Variants in SRPK1 observed in about 807,000 individuals in gnomAD.
SRPK1 encodes SRSF protein kinase 1.
SRPK1 carries 52 observed loss-of-function variants against 89.5 expected under a neutral mutation model. The observed-to-expected ratio is 0.58, with a 90% CI of 0.46 to 0.73. The LOEUF is 0.73. Ranked by LOEUF, SRPK1 falls within the 30% of genes least tolerant of loss-of-function variation. SRPK1 has a pLI of 0.00. For synonymous variants in SRPK1, 255 were observed against 270.2 expected (o/e 0.94, Z 0.55); for missense variants, 603 against 780.6 (o/e 0.77, Z 2.71).
At chr6:35,893,074 A>G (rs1770554425) in intron 2 of SRPK1, among the ~76,000 whole-genome samples, 1 of 152,232 alleles carries the variant, frequency 6.6e-6, no homozygotes, top group African/African-American at 2.4e-5. Flanking sequence ...TTATTTAGTA[A>G]TACACTGGCC....
chr6:35,902,733 G>GT (rs1441053669), intron 2 of SRPK1, among the ~76,000 whole-genome samples: 1 of 152,182 alleles, frequency 6.6e-6, no homozygotes, highest in African/African-American at 2.4e-5. Flanking sequence ...TATTGAGCAT[G>GT]TACTGTATTA....
chr6:35,917,595 C>T (rs1171231817), intron 2 of SRPK1, among the ~76,000 whole-genome samples: 5 of 152,216 alleles, frequency 3.3e-5, no homozygotes, highest in Admixed American at 3.3e-4. Context: ...AGGAAATCCA[C>T]TCTAACAAAC....
Position 35,920,517 on chromosome 6 carries a change from G to A in SRPK1, c.25C>T (p.Gln9Ter). The A allele has an allele frequency of 6.2e-7, 1 of 1,613,344 alleles. No homozygotes were observed. The highest frequency in any genetic ancestry group is 8.5e-7 in the Non-Finnish European group (1 of 1,179,514). The change falls in exon 2 of 16, where the codon CAG (glutamine) becomes TAG (stop). Residue 9 changes from glutamine to a stop codon, truncating the protein, a stop_gained. Transcript: ENST00000373825. LOFTEE classifies it high-confidence loss of function. ...GCCTTGGTCCTTTTCTTTCGGGCCT[G>A]GAGCGCAAGCACTGCAGGAGAGAGG... Reference protein sequence around the residue: MERKVLALQARKKRTKAKK... With the variant: MERKVLAL
chr6:35,916,990 G>A (rs1581604170), intron 2 of SRPK1, among the ~76,000 whole-genome samples: 2 of 152,292 alleles, frequency 1.3e-5, no homozygotes, highest in South Asian at 4.1e-4. Flanking sequence ...AGCCCGGGAG[G>A]CAGAGGTTGC....
In SRPK1 at chr6:35,884,393, C is replaced by T. The variant is rs76817504; in HGVS notation, c.478+2331G>A. 6.8e-3 allele frequency among the ~76,000 whole-genome samples: 1,042 copies of T among 152,146 alleles called. 13 individuals carry two copies. Among genetic ancestry groups the T allele is most frequent in the African/African-American group, 0.024 (1,000 of 41,488 alleles). On this transcript the variant is annotated intron_variant, in intron 6 of 15. Coordinates refer to ENST00000373825, the MANE Select transcript of SRPK1 (RefSeq NM_003137.5). ...GCCCTTTATATTTTAATATGAGAAA[C>T]GATAGTGGTCCAGAGAAAAAAACGC...
chr6:35,843,037 C>T (rs183909702), intron 13 of SRPK1, among the ~76,000 whole-genome samples: 3 of 150,554 alleles, frequency 2.0e-5, no homozygotes, highest in East Asian at 1.9e-4. Context: ...GGCACGGTCT[C>T]GGCTCACTGC....
chr6:35,897,897 T>A (rs1014122909), intron 2 of SRPK1, among the ~76,000 whole-genome samples: 2 of 152,244 alleles, frequency 1.3e-5, no homozygotes, highest in African/African-American at 2.4e-5. Context: ...GTGGGTTGAA[T>A]AGATTTATTA....
At position 35,856,239 on chromosome 6, in the gene SRPK1, T is replaced by A. The variant is rs561636790; in HGVS notation, c.1620+1022A>T. ...AGCTTGGGTGAGCATCCCTCGGTGGTGACACACATCAATGTGCCAGGAGGG... is the reference window on the plus strand; with the variant it reads ...AGCTTGGGTGAGCATCCCTCGGTGGAGACACACATCAATGTGCCAGGAGGG... On this transcript the variant is annotated intron_variant, in intron 13 of 15. Coordinates refer to ENST00000373825, the MANE Select transcript of SRPK1 (RefSeq NM_003137.5). Among the ~76,000 whole-genome samples, 70 of 152,256 alleles carry A rather than the reference T, an allele frequency of 4.6e-4. 1 individual carries two copies. Among genetic ancestry groups the A allele is most frequent in the African/African-American group, 1.5e-3 (62 of 41,526 alleles).
intron 14 of SRPK1, 153 bp from the exon 15 acceptor site, chr6:35,838,582 CTCTA>C: frequency 7.0e-7 from 1 of 1,430,930 alleles, no homozygotes; most frequent in Non-Finnish European, 9.6e-7. Flanking sequence ...AAGAGGAAGA[CTCTA>C]TCCATCTAAT....
In SRPK1 at chr6:35,874,283, A is replaced by C; in HGVS notation, c.535T>G (p.Ser179Ala). Reference protein sequence around the residue: ...GHHLLKWIIKSNYQGLPLPCV... With the variant: ...GHHLLKWIIKANYQGLPLPCV... ...GGCAGTGGAAGCCCCTGATAATTGG[A>C]TTTGATGATCCACTTGAGCAGATGA... Residue 179 changes from serine to alanine, a missense_variant, in exon 7 of 16, where the codon TCC becomes GCC. Transcript: ENST00000373825. 6.2e-7 allele frequency: 1 copy of C among 1,613,572 alleles called. No homozygotes were observed. Among genetic ancestry groups the C allele is most frequent in the Non-Finnish European group, 8.5e-7 (1 of 1,179,720 alleles).
At chr6:35,838,194 T>TA (rs1769225834) in intron 15 of SRPK1, 143 bp downstream of exon 15, 3 of 621,824 alleles carry the variant, frequency 4.8e-6, no homozygotes, top group Non-Finnish European at 7.6e-6. Context: ...CCACTTTTTT[T>TA]ACCTCTTTTT....
intron 12 of SRPK1, among the ~76,000 whole-genome samples, chr6:35,862,053 C>G (rs926081967): frequency 6.6e-6 from 1 of 152,094 alleles, no homozygotes; most frequent in Non-Finnish European, 1.5e-5. Context: ...AGGGACTAGC[C>G]CCCTCCGACC....
chr6:35,839,768 T>C lies in SRPK1; in HGVS notation c.1691-1339A>G, dbSNP rs558399710. Among the ~76,000 whole-genome samples, 4 of 151,792 alleles carry C rather than the reference T, an allele frequency of 2.6e-5. No homozygotes were observed. The East Asian group carries it at 7.8e-4, about 29-fold the overall frequency. On this transcript the variant is annotated intron_variant, in intron 14 of 15. Coordinates refer to ENST00000373825, the MANE Select transcript of SRPK1 (RefSeq NM_003137.5). Reference sequence around the variant, plus strand: ...GATCTCGGCTCACTGCAACCTCCACTTCCTGGGTTCCAGTGATTCTTGTGT... The same window carrying C: ...GATCTCGGCTCACTGCAACCTCCACCTCCTGGGTTCCAGTGATTCTTGTGT...
At position 35,872,699 on chromosome 6, in the gene SRPK1, G is replaced by C; in HGVS notation, c.615C>G (p.Thr205=). 1.2e-6 allele frequency: 2 copies of C among 1,607,576 alleles called. No individual in the cohort carries two copies. Among genetic ancestry groups the C allele is most frequent in the Non-Finnish European group, 1.7e-6 (2 of 1,177,308 alleles). Residue 205 remains threonine, a synonymous_variant, in exon 8 of 16, where the codon ACC becomes ACG. Transcript: ENST00000373825. ...QVLQGLDYLH[T]KCRIIHTDIK... is the part of the protein sequence containing the mutation. ...TGTCAGTGTGGATGATACGGCACTT[G>C]GTATGTAAATAATCAAGACCCTGTA...
chr6:35,881,744 C>G (rs1329068754), intron 6 of SRPK1, among the ~76,000 whole-genome samples: 1 of 150,890 alleles, frequency 6.6e-6, no homozygotes, highest in Admixed American at 6.6e-5. Context: ...TAAAAGACCA[C>G]CAAACTATAT....
Position 35,893,935 on chromosome 6 carries a change from C to T in SRPK1, c.75-2922G>A, listed in dbSNP as rs553374164. Among the ~76,000 whole-genome samples the T allele has an allele frequency of 5.9e-5, 9 of 151,924 alleles. No individual in the cohort carries two copies. In the East Asian group the frequency reaches 1.2e-3, roughly 20 times the overall value. ...CTGAGGTGTGAGAATTGCTTGAATC[C>T]GGGAGACAGAGGTTGCAATGAGCCG... On this transcript the variant is annotated intron_variant, in intron 2 of 15. Coordinates refer to ENST00000373825, the MANE Select transcript of SRPK1 (RefSeq NM_003137.5).
intron 13 of SRPK1, among the ~76,000 whole-genome samples, chr6:35,849,251 C>G (rs1304613908): frequency 6.6e-6 from 1 of 152,064 alleles, no homozygotes; most frequent in Non-Finnish European, 1.5e-5. Flanking sequence ...CTCAACATCA[C>G]TAATCATTAG....
chr6:35,871,878 C>CT (rs1770044081), intron 8 of SRPK1, among the ~76,000 whole-genome samples: 1 of 152,096 alleles, frequency 6.6e-6, no homozygotes, highest in Admixed American at 6.6e-5. Context: ...AGTAAATGGA[C>CT]TACAGGCACG....
intron 8 of SRPK1, 22 bp from the exon 9 acceptor site, chr6:35,870,981 G>GT (rs1432093571): frequency 2.5e-6 from 4 of 1,604,164 alleles, no homozygotes; most frequent in Non-Finnish European, 3.4e-6. Flanking sequence ...AGAAAACCAA[G>GT]TAAGAATTCT....
Sources: gnomAD v4.1 joint callset for allele counts (sites outside exome capture counted in the v4.1 genomes callset) on GRCh38, gnomAD v4.1.1 for gene constraint, MANE v1.5 for transcripts, NCBI Gene and HGNC (gene_info 2026-07-23, HGNC 2026-07-21) for gene names.